ZNF577: variants seen among roughly 807,000 people sequenced by gnomAD.
ZNF577 encodes the protein zinc finger protein 577.
A neutral mutation model predicts 13.9 loss-of-function variants in ZNF577; 14 were observed. That is an observed-to-expected ratio of 1.00 (90% confidence interval 0.66 to 1.57). The LOEUF is 1.57. ZNF577 is among the 40% of genes most tolerant of loss of function. The pLI, the probability that ZNF577 is intolerant of heterozygous loss-of-function variation, is 0.00. For missense variants in ZNF577, 555 were observed against 579.2 expected (o/e 0.96, Z 0.43); for synonymous variants, 203 against 202.9 (o/e 1.00, Z 0.00).
At chr19:51,835,412 A>T (rs1459065750) in intron 9 of ZNF577, among the ~76,000 whole-genome samples, 2 of 55,036 alleles carry the variant, frequency 3.6e-5, no homozygotes, top group African/African-American at 7.2e-5. Flanking sequence ...AATACCCATT[A>T]AAAAAAAAAA....
At chr19:51,810,066 G>A (rs533680559) in intron 10 of ZNF577, among the ~76,000 whole-genome samples, 17 of 152,278 alleles carry the variant, frequency 1.1e-4, no homozygotes, top group Admixed American at 2.0e-4. Flanking sequence ...GGTCCTTTCT[G>A]TACTGAGATC....
rs893350059 is a variant in ZNF577 at position 51,867,217 on chromosome 19, T to C, written c.*5315A>G. Among the ~76,000 whole-genome samples, 1 of 152,208 alleles carries C rather than the reference T, an allele frequency of 6.6e-6. No homozygotes were observed. The highest frequency in any genetic ancestry group is 1.5e-5 in the Non-Finnish European group (1 of 68,040). On this transcript the variant is annotated 3_prime_UTR_variant, in exon 6 of 6. Coordinates refer to ENST00000638348, the MANE Select transcript of ZNF577 (RefSeq NM_001370449.1). ...GTATGTATTTCCATTTAATAGTTAT[T>C]TGTCTTAAGCCTTGCAAAGTCATTG...
intron 8 of ZNF577, chr19:51,840,166 C>T (rs1367570536): frequency 6.6e-6 from 1 of 152,186 alleles, no homozygotes; most frequent in Non-Finnish European, 1.5e-5. Context: ...TCCTTTTCAC[C>T]ACTTCCCCAG....
At chr19:51,857,416 AAG>A (rs374346962) in intron 5 of ZNF577, among the ~76,000 whole-genome samples, 2,087 of 123,384 alleles carry the variant, frequency 0.017, 54 homozygotes, top group East Asian at 0.055. Context: ...GAAAGAAAGA[AAG>A]AAAGAAAGAA....
At chr19:51,820,740 A>C (rs1368250665) in intron 9 of ZNF577, among the ~76,000 whole-genome samples, 1 of 152,186 alleles carries the variant, frequency 6.6e-6, no homozygotes, top group Non-Finnish European at 1.5e-5. Flanking sequence ...ATTGAGCTCC[A>C]ACTCTGGTTC....
intron 10 of ZNF577, among the ~76,000 whole-genome samples, chr19:51,807,887 A>G (rs1056694935): frequency 3.3e-5 from 5 of 152,206 alleles, no homozygotes; most frequent in Non-Finnish European, 5.9e-5. Flanking sequence ...CCATAGTCAC[A>G]ATTTGTGTAA....
rs1460720311 is a variant in ZNF577, at chr19:51,873,027, C to T, written c.963G>A (p.Thr321=). 8.1e-6 allele frequency: 13 copies of T among 1,614,120 alleles called. No homozygotes were observed. Among genetic ancestry groups the T allele is most frequent in the East Asian group, 4.5e-5 (2 of 44,874 alleles). ...CACTACATTCATAAGGTTTCTCTCC[C>T]GTATGAATCCTCTGATGTCTGGTCA... ...SDLTRHQRIH[T]GEKPYECSEC... Residue 321 remains threonine, a synonymous_variant, in exon 6 of 6, where the codon ACG becomes ACA. Transcript: ENST00000638348.
intron 5 of ZNF577, among the ~76,000 whole-genome samples, chr19:51,853,552 A>T (rs1343903291): frequency 6.6e-6 from 1 of 152,200 alleles, no homozygotes; most frequent in East Asian, 1.9e-4. Flanking sequence ...CAATTGGACC[A>T]ATCTAGAGGA....
chr19:51,861,269 CACCA>C, intron 5 of ZNF577: 1 of 113,786 alleles, frequency 8.8e-6, no homozygotes. Context: ...CAGGTGTGCA[CACCA>C]CACCTGGCTA....
intron 5 of ZNF577, among the ~76,000 whole-genome samples, chr19:51,850,737 C>G (rs1455531536): frequency 6.6e-6 from 1 of 152,202 alleles, no homozygotes; most frequent in Non-Finnish European, 1.5e-5. Context: ...TTGGGGAACA[C>G]TGAACTTGCA....
Position 51,873,057 on chromosome 19 carries a change from T to C in ZNF577, c.933A>G (p.Ser311=), listed in dbSNP as rs1346659725. 3 of 1,614,238 alleles carry C rather than the reference T, an allele frequency of 1.9e-6. No homozygotes were observed. The highest frequency in any genetic ancestry group is 2.5e-6 in the Non-Finnish European group (3 of 1,180,048). ...GAATCCTCTGATGTCTGGTCAGGTC[T>C]GACTTAAAATAGAAGGTTCTTCCAC... ...SDCGRTFYFK[S]DLTRHQRIHT... Residue 311 remains serine, a synonymous_variant, in exon 6 of 6, where the codon TCA becomes TCG. Transcript: ENST00000638348.
At chr19:51,858,743 T>C (rs1403722939) in intron 5 of ZNF577, among the ~76,000 whole-genome samples, 1 of 152,196 alleles carries the variant, frequency 6.6e-6, no homozygotes, top group Non-Finnish European at 1.5e-5. Context: ...AGAAGTTTTA[T>C]AGAAGATTCA....
At position 51,824,963 on chromosome 19, in the gene ZNF577, A is replaced by G. The variant is rs1320531286; in HGVS notation, c.*600-13289T>C. On this transcript the variant is annotated intron_variant and NMD_transcript_variant, in intron 9 of 10. Transcript: ENST00000638827. The surrounding 1 kb of genome is among the most constrained non-coding windows in gnomAD (Gnocchi z 4.7). ...ACCAAATCTGTAGGGGGTTTTTCCC[A>G]CAACCAAGCAATAGACACCAGCTGG... The G allele has an allele frequency of 4.7e-6, 3 of 640,414 alleles. No homozygotes were observed. The highest frequency in any genetic ancestry group is 3.7e-5 in the African/African-American group (2 of 54,350). 39.7% of individuals were successfully genotyped at this position (640,414 alleles called of 1,614,324 possible).
At chr19:51,804,990 A>G (rs2084048663) in exon 11 of ZNF577, 1 of 152,338 alleles carries the variant, frequency 6.6e-6, no homozygotes, top group Non-Finnish European at 1.5e-5. Flanking sequence ...TCCAGTAGAT[A>G]ACTTCAAAGA....
chr19:51,832,884 C>T (rs890930089), intron 9 of ZNF577, among the ~76,000 whole-genome samples: 1 of 152,114 alleles, frequency 6.6e-6, no homozygotes, highest in African/African-American at 2.4e-5. Flanking sequence ...TTCCATTGGT[C>T]TGTCTACCGT....
At chr19:51,809,947 TGC>T (rs1380877182) in intron 10 of ZNF577, among the ~76,000 whole-genome samples, 18 of 151,966 alleles carry the variant, frequency 1.2e-4, no homozygotes, top group Non-Finnish European at 1.8e-4. Context: ...AGCAGGGGGG[TGC>T]CATTCTGATG....
chr19:51,855,630 A>G (rs887388122), intron 5 of ZNF577, among the ~76,000 whole-genome samples: 3 of 151,932 alleles, frequency 2.0e-5, no homozygotes, highest in Middle Eastern at 3.2e-3. Flanking sequence ...CCGTTTAACA[A>G]TTTTTCAGAG....
At chr19:51,852,932 TC>T (rs2084386306) in intron 5 of ZNF577, among the ~76,000 whole-genome samples, 7 of 126,374 alleles carry the variant, frequency 5.5e-5, no homozygotes, top group East Asian at 2.1e-4. Context: ...AGTTTTCTTT[TC>T]TTTTTTTTTT....
At chr19:51,811,619 C>T (rs981654422) in exon 10 of ZNF577, 1 of 152,218 alleles carries the variant, frequency 6.6e-6, no homozygotes, top group Non-Finnish European at 1.5e-5. Context: ...TGTAGAGCCC[C>T]TGATTCTGTC....
Sources: gnomAD v4.1 joint callset for allele counts (sites outside exome capture counted in the v4.1 genomes callset) on GRCh38, gnomAD v4.1.1 for gene constraint, Gnocchi (gnomAD v3.1) non-coding constraint, MANE v1.5 for transcripts, NCBI Gene and HGNC (gene_info 2026-07-23, HGNC 2026-07-21) for gene names.